RPS10: variants seen among roughly 807,000 people sequenced by gnomAD.
The protein encoded by RPS10 is ribosomal protein S10.
In RPS10, 2 loss-of-function variants were observed where a neutral mutation model predicts 22.6. That is an observed-to-expected ratio of 0.09 (90% CI 0.04 to 0.28). The LOEUF (loss-of-function observed/expected upper bound fraction) is 0.28. RPS10 is among the 10% of genes least tolerant of loss of function. The probability of loss-of-function intolerance (pLI) is 1.00; values close to 1 mark genes in which losing one functional copy is unlikely to be tolerated. For synonymous variants in RPS10, 70 were observed against 75.9 expected, an observed-to-expected ratio of 0.92 and a Z score of 0.40; for missense variants, 137 against 222.2, an observed-to-expected ratio of 0.62 and a Z score of 2.44.
chr6:34,417,475 T>C lies in RPS10; in HGVS notation c.*31A>G. 6.3e-7 allele frequency: 1 copy of C among 1,599,586 alleles called. No individual in the cohort carries two copies. The highest frequency in any genetic ancestry group is 8.6e-7 in the Non-Finnish European group (1 of 1,168,636). Reference sequence around the variant, plus strand: ...AAGATTAAGGTTTTTTGGCTGTAAGTTTATTCAATGCAAAAGAATCCTCTC... The same window carrying C: ...AAGATTAAGGTTTTTTGGCTGTAAGCTTATTCAATGCAAAAGAATCCTCTC... On this transcript the variant is annotated 3_prime_UTR_variant, in exon 6 of 6. Coordinates refer to ENST00000648437, the MANE Select transcript of RPS10 (RefSeq NM_001014.5).
chr6:34,418,064 A>G lies in RPS10; in HGVS notation c.456+305T>C. The G allele has an allele frequency of 3.3e-6, 3 of 901,264 alleles. No individual in the cohort carries two copies. The South Asian group carries it at 5.2e-5, about 16-fold the overall frequency. 55.8% of individuals were successfully genotyped at this position (901,264 alleles called of 1,614,324 possible). On this transcript the variant is annotated intron_variant, in intron 5 of 5. Coordinates refer to ENST00000648437, the MANE Select transcript of RPS10 (RefSeq NM_001014.5). ...GAAAAAAGATGGAGGATTTGATTTCATACCATCTTGGTTCTTAAGCCCACC... is the reference window on the plus strand; with the variant it reads ...GAAAAAAGATGGAGGATTTGATTTCGTACCATCTTGGTTCTTAAGCCCACC...
intron 3 of RPS10, among the ~76,000 whole-genome samples, chr6:34,423,762 T>TAATCCCAGTCTCGGGAGGCTGAGAC (rs1435721405): frequency 6.6e-6 from 1 of 152,068 alleles, no homozygotes. Flanking sequence ...TGGGCGCCTA[T>TAATCCCAGTCTCGGGAGGCTGAGAC]AATCCCAGTC....
intron 3 of RPS10, among the ~76,000 whole-genome samples, chr6:34,422,832 G>A (rs914518849): frequency 9.9e-5 from 15 of 151,298 alleles, no homozygotes; most frequent in African/African-American, 3.6e-4. Flanking sequence ...CTGTAATCCC[G>A]GCACTTTGGG....
chr6:34,419,304 G>T (rs1765683881), intron 4 of RPS10, among the ~76,000 whole-genome samples: 1 of 152,002 alleles, frequency 6.6e-6, no homozygotes, highest in Non-Finnish European at 1.5e-5. Flanking sequence ...GGGATTACAG[G>T]CATGAGCCAC....
At chr6:34,424,627 A>G (rs751091786) in intron 3 of RPS10, 42 bp downstream of exon 3, 4 of 1,612,780 alleles carry the variant, frequency 2.5e-6, no homozygotes, top group Non-Finnish European at 3.4e-6. Context: ...CACAAAAGAA[A>G]CTATCTTCAA....
intron 3 of RPS10, chr6:34,424,159 A>AAAAAAAAAAAAAAC (rs1765869138): frequency 6.6e-6 from 1 of 150,560 alleles, no homozygotes; most frequent in African/African-American, 2.5e-5. Flanking sequence ...AAAAAAAAAA[A>AAAAAAAAAAAAAAC]AAAAAGCAAC....
intron 2 of RPS10, 56 bp from the exon 3 acceptor site, chr6:34,424,896 G>A (rs1205299828): frequency 1.2e-6 from 2 of 1,612,162 alleles, no homozygotes; most frequent in East Asian, 2.2e-5. Flanking sequence ...ATCATCCTAG[G>A]CAAGTCTCCA....
intron 3 of RPS10, 72 bp from the exon 4 acceptor site, chr6:34,421,879 G>A (rs1207861274): frequency 6.4e-7 from 1 of 1,557,592 alleles, no homozygotes; most frequent in African/African-American, 1.4e-5. Flanking sequence ...AAGAAAACTG[G>A]CATTGCTCTC....
chr6:34,423,687 C>T (rs1221266769), intron 3 of RPS10, among the ~76,000 whole-genome samples: 1 of 152,110 alleles, frequency 6.6e-6, no homozygotes. Context: ...AGTTCGAGCC[C>T]AGCCTGGCCA....
At position 34,425,273 on chromosome 6, in the gene RPS10, C is replaced by T. The variant is rs1289918661; in HGVS notation, c.1-52G>A. The T allele has an allele frequency of 1.9e-6, 3 of 1,556,046 alleles. No homozygotes were observed. The African/African-American group carries it at 4.1e-5, about 21-fold the overall frequency. ...GCACTTCTGAGTAACGAGGCCGGGG[C>T]CCGGTAATCAAGTTCTTGATCCTAA... On this transcript the variant is annotated intron_variant, in intron 1 of 5. Transcript: ENST00000648437.
intron 5 of RPS10, chr6:34,418,082 A>G: frequency 2.6e-6 from 3 of 1,169,056 alleles, no homozygotes; most frequent in Non-Finnish European, 3.5e-6. Context: ...TTGGTTCTTA[A>G]GCCCACCCAC....
intron 1 of RPS10, 137 bp from the exon 2 acceptor site, chr6:34,425,358 G>C: frequency 8.7e-7 from 1 of 1,149,960 alleles, no homozygotes; most frequent in Middle Eastern, 2.0e-4. Context: ...CCACAAAACA[G>C]ATTCGGCAGA....
chr6:34,423,414 G>A (rs960561765), intron 3 of RPS10, among the ~76,000 whole-genome samples: 2 of 152,184 alleles, frequency 1.3e-5, no homozygotes, highest in African/African-American at 2.4e-5. Flanking sequence ...TTACAGGAAT[G>A]AGTCACTGCA....
At chr6:34,417,692 C>G (rs1440112280) in intron 5 of RPS10, 145 bp from the exon 6 acceptor site, 2 of 774,442 alleles carry the variant, frequency 2.6e-6, no homozygotes, top group Non-Finnish European at 4.6e-6. Flanking sequence ...CTATAAATCC[C>G]AGCACTGCCC....
chr6:34,421,654 C>G, intron 4 of RPS10, 76 bp downstream of exon 4: 1 of 1,535,048 alleles, frequency 6.5e-7, no homozygotes. Flanking sequence ...GGCTGAGCCC[C>G]ACCCAGCCAG....
At chr6:34,418,204 C>A in intron 5 of RPS10, 165 bp downstream of exon 5, 1 of 1,518,140 alleles carries the variant, frequency 6.6e-7, no homozygotes, top group South Asian at 1.3e-5. Context: ...CAAAAGTTTG[C>A]ATGCTACAAC....
chr6:34,421,203 T>C (rs1473736040), intron 4 of RPS10, among the ~76,000 whole-genome samples: 2 of 150,682 alleles, frequency 1.3e-5, no homozygotes, highest in East Asian at 2.0e-4. Context: ...TTCCTCCCCC[T>C]ATCCTCGTGC....
chr6:34,417,926 T>C (rs1269736210), intron 5 of RPS10: 4 of 718,198 alleles, frequency 5.6e-6, no homozygotes, highest in East Asian at 2.7e-5. Flanking sequence ...GATATGCCAG[T>C]ACTATGCCTG....
chr6:34,418,553 C>T, intron 4 of RPS10, 129 bp from the exon 5 acceptor site: 2 of 1,416,772 alleles, frequency 1.4e-6, no homozygotes, highest in South Asian at 2.5e-5. Flanking sequence ...AAGCAAATTA[C>T]ACCAGTGGTG....
Sources: allele counts gnomAD v4.1 joint callset (sites outside exome capture counted in the v4.1 genomes callset), GRCh38; gene constraint gnomAD v4.1.1; transcripts MANE v1.5; gene names NCBI Gene and HGNC (gene_info 2026-07-23, HGNC 2026-07-21).